Variants in SNX13 observed in about 807,000 individuals in gnomAD.
SNX13 encodes the protein sorting nexin 13.
In SNX13, 45 loss-of-function variants were observed where a neutral mutation model predicts 133.6. That is an observed-to-expected ratio of 0.34 (90% CI 0.27 to 0.43). The LOEUF is 0.43. Among genes scored for constraint, SNX13 ranks in the 20% least tolerant of loss-of-function variants. SNX13 has a pLI of 1.00. For missense variants in SNX13, 1,032 were observed against 1,145.1 expected (o/e 0.90, Z 1.43); for synonymous variants, 414 against 373.9 (o/e 1.11, Z -1.24).
chr7:17,851,318 C>A (rs759794053), intron 9 of SNX13, among the ~76,000 whole-genome samples: 15 of 152,280 alleles, frequency 9.9e-5, no homozygotes, highest in Non-Finnish European at 1.8e-4. Flanking sequence ...TTTTAGCTTT[C>A]ACTCTGAAGC....
intron 8 of SNX13, among the ~76,000 whole-genome samples, chr7:17,868,949 A>G (rs185663919): frequency 6.6e-6 from 1 of 152,230 alleles, no homozygotes. Flanking sequence ...GTTGGTACAT[A>G]AATGTCTACT....
intron 1 of SNX13, among the ~76,000 whole-genome samples, chr7:17,930,979 G>A (rs776414090): frequency 9.9e-5 from 15 of 152,254 alleles, no homozygotes; most frequent in East Asian, 5.8e-4. Flanking sequence ...CCCAACAGCC[G>A]TCCGTGGAAA....
intron 1 of SNX13, among the ~76,000 whole-genome samples, chr7:17,924,665 A>G (rs1206161776): frequency 6.6e-6 from 1 of 152,270 alleles, no homozygotes; most frequent in African/African-American, 2.4e-5. Flanking sequence ...TGGAAACACA[A>G]TACAAATGTT....
intron 15 of SNX13, chr7:17,831,809 T>C (rs1213354538): frequency 1.3e-5 from 13 of 982,842 alleles, no homozygotes; most frequent in Non-Finnish European, 1.6e-5. Context: ...AGGCCTATTT[T>C]TGATTAAATA....
chr7:17,795,294 T>C (rs1437764893), intron 25 of SNX13: 1 of 151,676 alleles, frequency 6.6e-6, no homozygotes, highest in Admixed American at 6.6e-5. Context: ...ACTGATAATA[T>C]AGATATTATT....
intron 1 of SNX13, among the ~76,000 whole-genome samples, chr7:17,929,319 C>A (rs1439070315): frequency 1.3e-5 from 2 of 152,052 alleles, no homozygotes; most frequent in Non-Finnish European, 2.9e-5. Context: ...AGGCAGAAGA[C>A]CCCACTCCTT....
intron 8 of SNX13, among the ~76,000 whole-genome samples, chr7:17,871,956 G>A (rs750790514): frequency 7.9e-5 from 12 of 152,132 alleles, no homozygotes; most frequent in Non-Finnish European, 1.6e-4. Context: ...CACTTACTAG[G>A]ATGGAGAGAA....
At chr7:17,869,391 A>G (rs1302424273) in intron 8 of SNX13, among the ~76,000 whole-genome samples, 1 of 152,152 alleles carries the variant, frequency 6.6e-6, no homozygotes, top group Non-Finnish European at 1.5e-5. Context: ...GTAGAAAAAA[A>G]GAAACTAAGA....
At chr7:17,832,373 A>G in intron 15 of SNX13, 2 of 984,644 alleles carry the variant, frequency 2.0e-6, no homozygotes, top group Non-Finnish European at 2.4e-6. Context: ...TTACTTCCAC[A>G]GAATATATTG....
chr7:17,930,344 C>T (rs965898161), intron 1 of SNX13, among the ~76,000 whole-genome samples: 1 of 152,104 alleles, frequency 6.6e-6, no homozygotes, highest in East Asian at 1.9e-4. Context: ...TAATCTGACA[C>T]CAGCCATCAC....
chr7:17,921,842 G>A (rs973873129), intron 1 of SNX13, among the ~76,000 whole-genome samples: 4 of 152,192 alleles, frequency 2.6e-5, no homozygotes, highest in Non-Finnish European at 5.9e-5. Context: ...GAGAACCACC[G>A]ATGTATGCAC....
intron 9 of SNX13, among the ~76,000 whole-genome samples, chr7:17,861,120 A>T (rs1792618794): frequency 6.6e-6 from 1 of 151,956 alleles, no homozygotes; most frequent in African/African-American, 2.4e-5. Context: ...GGCTCACATG[A>T]TCTTCCCACT....
At position 17,791,247 on chromosome 7, in the gene SNX13, GA is replaced by G. The variant is rs1783506516; in HGVS notation, c.*2797del. The G allele has an allele frequency of 6.6e-6, 1 of 151,860 alleles. No individual in the cohort carries two copies. The highest frequency in any genetic ancestry group is 1.5e-5 in the Non-Finnish European group (1 of 67,850). 9.4% of individuals were successfully genotyped at this position (151,860 alleles called of 1,614,324 possible). A position where few individuals can be genotyped will look rare whatever the true frequency, so the allele number is the denominator to read the frequency against. ...GCACAAAATTAAAATTTTAGATTGT[GA>G]AATTTATATCATTCTTAATTTTTAT... On this transcript the variant is annotated 3_prime_UTR_variant, in exon 26 of 26. Coordinates refer to ENST00000428135, the MANE Select transcript of SNX13 (RefSeq NM_015132.5).
chr7:17,904,700 GTTGATA>G (rs1798208509), intron 1 of SNX13, among the ~76,000 whole-genome samples: 1 of 152,150 alleles, frequency 6.6e-6, no homozygotes, highest in Non-Finnish European at 1.5e-5. Context: ...AAGAATCTTA[GTTGATA>G]CTACTTCAGT....
intron 1 of SNX13, among the ~76,000 whole-genome samples, chr7:17,931,381 C>T (rs1424452885): frequency 3.3e-5 from 5 of 152,264 alleles, no homozygotes; most frequent in Admixed American, 2.0e-4. Context: ...AACAGAAATA[C>T]GGTGAAATTT....
At chr7:17,928,304 G>A (rs1800995808) in intron 1 of SNX13, among the ~76,000 whole-genome samples, 1 of 152,082 alleles carries the variant, frequency 6.6e-6, no homozygotes, top group Admixed American at 6.6e-5. Context: ...ATTCCAGCCT[G>A]GGCAATATAG....
At chr7:17,927,710 C>T (rs1335243872) in intron 1 of SNX13, among the ~76,000 whole-genome samples, 1 of 152,182 alleles carries the variant, frequency 6.6e-6, no homozygotes, top group African/African-American at 2.4e-5. Context: ...CTGTCTACCT[C>T]CTAAGCACTC....
Position 17,839,975 on chromosome 7 carries a change from T to C in SNX13, c.1191A>G (p.Gln397=), listed in dbSNP as rs762312648. ...FMDYMQQTGG[Q]AHLFFWMTVE... Reference sequence around the variant, plus strand: ...CTGTCATCCAAAAGAATAGATGTGCTTGACCTCCAGTTTGCTGCATGTAAT... The same window carrying C: ...CTGTCATCCAAAAGAATAGATGTGCCTGACCTCCAGTTTGCTGCATGTAAT... The change falls in exon 13 of 26, where the codon CAA becomes CAG. Residue 397 remains glutamine, a synonymous_variant. Transcript: ENST00000428135. 3 of 1,610,104 alleles carry C rather than the reference T, an allele frequency of 1.9e-6. No individual in the cohort carries two copies. The highest frequency in any genetic ancestry group is 2.2e-5 in the South Asian group (2 of 90,740).
intron 5 of SNX13, among the ~76,000 whole-genome samples, chr7:17,886,399 C>A (rs1795990608): frequency 2.0e-5 from 3 of 152,028 alleles, no homozygotes; most frequent in African/African-American, 7.2e-5. Flanking sequence ...GAAACCCCGT[C>A]TCTACTAAAA....
Sources: allele counts gnomAD v4.1 joint callset (sites outside exome capture counted in the v4.1 genomes callset), GRCh38; gene constraint gnomAD v4.1.1; transcripts MANE v1.5; gene names NCBI Gene and HGNC (gene_info 2026-07-23, HGNC 2026-07-21).